The following CCDC85C variants were observed in gnomAD, a reference collection of about 807,000 sequenced individuals.
CCDC85C encodes the protein coiled-coil domain-containing protein 85C.
CCDC85C carries 18 observed loss-of-function variants against 38.3 expected under a neutral mutation model. That is an observed-to-expected ratio of 0.47 (90% CI 0.33 to 0.70). The LOEUF (loss-of-function observed/expected upper bound fraction) is 0.70. CCDC85C is among the 30% of genes least tolerant of loss of function. CCDC85C has a pLI of 0.03. For synonymous variants in CCDC85C, 264 were observed against 293.8 expected (o/e 0.90, Z 1.04); for missense variants, 566 against 621.2 (o/e 0.91, Z 0.94).
At position 99,558,854 on chromosome 14, in the gene CCDC85C, T is replaced by C. The variant is rs142065308; in HGVS notation, c.794-22766A>G. On this transcript the variant is annotated intron_variant, in intron 1 of 5. Coordinates refer to ENST00000380243, the MANE Select transcript of CCDC85C (RefSeq NM_001144995.2). This position sits in a 1 kb window ranked among gnomAD's most constrained non-coding sequence, Gnocchi z 4.2. The stretch of plus-strand genomic sequence containing the variant: ...CTCATGTTGAATGTATCCCCAGTGC[T>C]GGAGGTGGGGCCTGGAGGGAGGTGA... 3.1e-3 allele frequency among the ~76,000 whole-genome samples: 473 copies of C among 152,294 alleles called. 2 individuals carry two copies. The highest frequency in any genetic ancestry group is 5.2e-3 in the Non-Finnish European group (353 of 68,018).
In CCDC85C at chr14:99,510,144, C is replaced by G. The variant is rs767070804; in HGVS notation, c.*5102G>C. On this transcript the variant is annotated 3_prime_UTR_variant, in exon 6 of 6. Coordinates refer to ENST00000380243, the MANE Select transcript of CCDC85C (RefSeq NM_001144995.2). ...TGGCGGAGGCCGGGCACTGATGCGTCTCTCTCCTGCAGACCGGAAGCCTCC... is the reference window on the plus strand; with the variant it reads ...TGGCGGAGGCCGGGCACTGATGCGTGTCTCTCCTGCAGACCGGAAGCCTCC... The G allele has an allele frequency of 6.7e-5, 106 of 1,590,182 alleles. No homozygotes were observed. The South Asian group carries it at 8.2e-4, about 12-fold the overall frequency.
At chr14:99,573,713 G>C (rs1898407932) in intron 1 of CCDC85C, among the ~76,000 whole-genome samples, 2 of 152,228 alleles carry the variant, frequency 1.3e-5, no homozygotes, top group Admixed American at 1.3e-4. Context: ...ACAGCCCTGG[G>C]GTGGCCCTGC....
Position 99,516,993 on chromosome 14 carries a change from C to A in CCDC85C, c.1071+95G>T. 1 of 1,184,298 alleles carries A rather than the reference C, an allele frequency of 8.4e-7. No homozygotes were observed. Among genetic ancestry groups the A allele is most frequent in the Non-Finnish European group, 1.2e-6 (1 of 813,464 alleles). The allele number at this position is 1,184,298 out of a possible 1,614,324, so 73.4% of individuals were successfully genotyped here. ...CCACACACAGATGAAACCTCCCACC[C>A]CTGCCACTTGGATACCCCTAGGTGC... On this transcript the variant is annotated intron_variant, in intron 4 of 5. Coordinates refer to ENST00000380243, the MANE Select transcript of CCDC85C (RefSeq NM_001144995.2). The surrounding 1 kb of genome is among the most constrained non-coding windows in gnomAD (Gnocchi z 5.5).
intron 1 of CCDC85C, among the ~76,000 whole-genome samples, chr14:99,536,312 G>C (rs1011579259): frequency 6.6e-6 from 1 of 152,172 alleles, no homozygotes; most frequent in Non-Finnish European, 1.5e-5. Flanking sequence ...ACCAAGGCAC[G>C]ACACACAGAG....
intron 3 of CCDC85C, among the ~76,000 whole-genome samples, chr14:99,517,818 G>C (rs1014990917): frequency 6.6e-6 from 1 of 152,230 alleles, no homozygotes; most frequent in Admixed American, 6.5e-5. Flanking sequence ...CTGCCTGGAA[G>C]GGTCCATGTG....
intron 1 of CCDC85C, among the ~76,000 whole-genome samples, chr14:99,598,742 G>A (rs565782896): frequency 6.6e-6 from 1 of 152,292 alleles, no homozygotes; most frequent in South Asian, 2.1e-4. Flanking sequence ...AGGACCTAGA[G>A]CAAGTCACCG....
In CCDC85C at chr14:99,501,307, T is replaced by C; in HGVS notation, c.*13939A>G. ...TTTTTAATAAATACTTGATGCTGCCTGTGAATTTTTCTATTGCTATTAATT... is the reference window on the plus strand; with the variant it reads ...TTTTTAATAAATACTTGATGCTGCCCGTGAATTTTTCTATTGCTATTAATT... On this transcript the variant is annotated 3_prime_UTR_variant, in exon 6 of 6. Coordinates refer to ENST00000380243, the MANE Select transcript of CCDC85C (RefSeq NM_001144995.2). 8.5e-7 allele frequency: 1 copy of C among 1,176,476 alleles called. No homozygotes were observed. Among genetic ancestry groups the C allele is most frequent in the Non-Finnish European group, 1.3e-6 (1 of 783,172 alleles). 72.9% of individuals were successfully genotyped at this position (1,176,476 alleles called of 1,614,324 possible).
chr14:99,527,764 G>A (rs529164899), intron 2 of CCDC85C, among the ~76,000 whole-genome samples: 2 of 152,254 alleles, frequency 1.3e-5, no homozygotes, highest in South Asian at 4.1e-4. Context: ...GCCACAGCTG[G>A]GTGGGCATGT....
In CCDC85C at chr14:99,603,294, G is replaced by A. The variant is rs940604765; in HGVS notation, c.666C>T (p.His222=). ...GSGGSPDHHH[H]VPPPLLPPGP... ...CGGGGGGCAGCAGCGGGGGTGGGAC[G>A]TGGTGGTGGTGGTCGGGGCTGCCGC... is the stretch of plus-strand genomic sequence containing the variant. Residue 222 remains histidine (H), a synonymous_variant, in exon 1 of 6, where the codon CAC becomes CAT. Transcript: ENST00000380243. The surrounding 1 kb of genome is among the most constrained non-coding windows in gnomAD (Gnocchi z 7.5). 4 of 1,361,118 alleles carry A rather than the reference G, an allele frequency of 2.9e-6. No homozygotes were observed. The African/African-American group carries it at 4.6e-5, about 16-fold the overall frequency. 84.3% of individuals were successfully genotyped at this position (1,361,118 alleles called of 1,614,324 possible).
intron 1 of CCDC85C, among the ~76,000 whole-genome samples, chr14:99,586,357 C>T (rs374522023): frequency 5.9e-5 from 9 of 152,228 alleles, no homozygotes; most frequent in Admixed American, 2.0e-4. Context: ...TCACAGGCAG[C>T]GGCACTGCTG....
chr14:99,578,902 TC>T (rs766742247), intron 1 of CCDC85C, among the ~76,000 whole-genome samples: 3 of 150,232 alleles, frequency 2.0e-5, no homozygotes, highest in Non-Finnish European at 4.4e-5. Flanking sequence ...GTGGATGTGG[TC>T]CGTGTCACCC....
chr14:99,561,446 C>A (rs368963225), intron 1 of CCDC85C, among the ~76,000 whole-genome samples: 1 of 152,188 alleles, frequency 6.6e-6, no homozygotes, highest in African/African-American at 2.4e-5. Context: ...CCATCCTCCA[C>A]GGCAGCAGAG....
Position 99,533,325 on chromosome 14 carries a change from G to A in CCDC85C, c.867+2690C>T, listed in dbSNP as rs930904441. Among the ~76,000 whole-genome samples the A allele has an allele frequency of 3.3e-5, 5 of 152,310 alleles. No individual in the cohort carries two copies. The highest frequency in any genetic ancestry group is 1.2e-4 in the African/African-American group (5 of 41,580). ...CATGCTGAGAAAGCAGCTAGGGATG[G>A]GCCCTGGGTGCCCTCCTGCCACACC... On this transcript the variant is annotated intron_variant, in intron 2 of 5. Transcript: ENST00000380243. This position sits in a 1 kb window ranked among gnomAD's most constrained non-coding sequence, Gnocchi z 4.2.
At chr14:99,583,427 G>T (rs201348610) in intron 1 of CCDC85C, among the ~76,000 whole-genome samples, 3 of 150,486 alleles carry the variant, frequency 2.0e-5, no homozygotes, top group African/African-American at 7.4e-5. Flanking sequence ...TCACTTGAAC[G>T]TGGGAGGCGG....
At chr14:99,560,468 T>G (rs1358284262) in intron 1 of CCDC85C, among the ~76,000 whole-genome samples, 2 of 152,040 alleles carry the variant, frequency 1.3e-5, no homozygotes, top group African/African-American at 4.8e-5. Context: ...GAGCCATGAG[T>G]ACCACACACA....
rs763408961 is a variant in CCDC85C at position 99,506,866 on chromosome 14, C to T, written c.*8380G>A. On this transcript the variant is annotated 3_prime_UTR_variant, in exon 6 of 6. Coordinates refer to ENST00000380243, the MANE Select transcript of CCDC85C (RefSeq NM_001144995.2). ...GAAAATGGGCTGCCTGTGGGAAGCTCGCAGGTCTTTTGGAGGGAGGTGGCA... is the reference window on the plus strand; with the variant it reads ...GAAAATGGGCTGCCTGTGGGAAGCTTGCAGGTCTTTTGGAGGGAGGTGGCA... 9 of 536,000 alleles carry T rather than the reference C, an allele frequency of 1.7e-5. No homozygotes were observed. Among genetic ancestry groups the T allele is most frequent in the South Asian group, 4.1e-5 (2 of 48,624 alleles). The allele number at this position is 536,000 out of a possible 1,614,324, so 33.2% of individuals were successfully genotyped here.
chr14:99,524,529 C>T (rs1012751441), intron 2 of CCDC85C, among the ~76,000 whole-genome samples: 11 of 152,178 alleles, frequency 7.2e-5, no homozygotes, highest in Non-Finnish European at 1.3e-4. Context: ...CTTCGGTGAG[C>T]CTCTATAAAC....
chr14:99,536,412 G>C (rs1897601415), intron 1 of CCDC85C, among the ~76,000 whole-genome samples: 1 of 152,204 alleles, frequency 6.6e-6, no homozygotes. Flanking sequence ...TGGGGGGTGT[G>C]GGGGTGGCCT....
In CCDC85C at chr14:99,515,291, G is replaced by A. The variant is rs766605931; in HGVS notation, c.1215C>T (p.Ser405=). Residue 405 remains serine (S), a synonymous_variant, in exon 6 of 6, where the codon TCC becomes TCT. Transcript: ENST00000380243. ...GGTTCCCAGACAGGTGCTGCCGTAT[G>A]GAGGGCTTGGAGCTGGCTGCATCTC... ...KLGDAASSKP[S]IRQHLSGNQF... 17 of 1,550,810 alleles carry A rather than the reference G, an allele frequency of 1.1e-5. No homozygotes were observed. The South Asian group carries it at 1.2e-4, about 11-fold the overall frequency.
Sources: gnomAD v4.1 joint callset for allele counts (sites outside exome capture counted in the v4.1 genomes callset) on GRCh38, gnomAD v4.1.1 for gene constraint, Gnocchi (gnomAD v3.1) non-coding constraint, MANE v1.5 for transcripts, NCBI Gene and HGNC (gene_info 2026-07-23, HGNC 2026-07-21) for gene names.